Variants in NRARP observed in about 807,000 individuals in gnomAD.
NRARP encodes the protein notch-regulated ankyrin repeat-containing protein.
For missense variants in NRARP, 83 were observed against 161.1 expected, an observed-to-expected ratio of 0.52 and a Z score of 2.62; for synonymous variants, 81 against 77.4, an observed-to-expected ratio of 1.05 and a Z score of -0.25.
chr9:137,302,045 G>C lies in NRARP; in HGVS notation c.-117C>G, dbSNP rs968972213. On this transcript the variant is annotated 5_prime_UTR_variant, in exon 1 of 1. Transcript: ENST00000356628. This position sits in a 1 kb window ranked among gnomAD's most constrained non-coding sequence, Gnocchi z 4.8. Reference sequence around the variant, plus strand: ...GGCGCATGGAGGGCGCGGCGTCCCCGGGCCCCGCACGCCGCCTCTGGGCGC... The same window carrying C: ...GGCGCATGGAGGGCGCGGCGTCCCCCGGCCCCGCACGCCGCCTCTGGGCGC... The C allele has an allele frequency of 4.5e-5, 12 of 267,256 alleles. No homozygotes were observed. The highest frequency in any genetic ancestry group is 2.6e-4 in the African/African-American group (11 of 42,984). The allele number at this position is 267,256 out of a possible 1,614,324, so 16.6% of individuals were successfully genotyped here.
chr9:137,301,758 C>G lies in NRARP; in HGVS notation c.171G>C (p.Gln57His). ...FGPEGQTALH[Q>H]SVIDGNLELV... ...GCTCCAGGTTGCCGTCGATGACCGA[C>G]TGGTGCAGCGCCGTCTGGCCCTCGG... The change falls in exon 1 of 1, where the codon CAG (glutamine) becomes CAC (histidine). Residue 57 changes from glutamine to histidine, a missense_variant. Physicochemically the swap from Gln to His is conservative, Grantham distance 24 (BLOSUM62 0). Coordinates refer to ENST00000356628, the MANE Select transcript of NRARP (RefSeq NM_001004354.3). This position sits in a 1 kb window ranked among gnomAD's most constrained non-coding sequence, Gnocchi z 9.1. 1 of 1,610,914 alleles carries G rather than the reference C, an allele frequency of 6.2e-7. No homozygotes were observed. The highest frequency in any genetic ancestry group is 8.5e-7 in the Non-Finnish European group (1 of 1,179,698).
rs982808822 is a variant in NRARP at position 137,300,375 on chromosome 9, T to C, written c.*1209A>G. ...CAGTCTTATAGGTATTTTATAAAAA[T>C]ATAAATATGGGTACACTCTGTTGCC... is the stretch of plus-strand genomic sequence containing the variant. On this transcript the variant is annotated 3_prime_UTR_variant, in exon 1 of 1. Coordinates refer to ENST00000356628, the MANE Select transcript of NRARP (RefSeq NM_001004354.3). The C allele has an allele frequency of 6.6e-6, 1 of 152,170 alleles. No individual in the cohort carries two copies. The highest frequency in any genetic ancestry group is 1.5e-5 in the Non-Finnish European group (1 of 68,034). The allele number at this position is 152,170 out of a possible 1,614,324, so 9.4% of individuals were successfully genotyped here. A position where few individuals can be genotyped will look rare whatever the true frequency, so the allele number is the denominator to read the frequency against.
In NRARP at chr9:137,299,683, A is replaced by T. The variant is rs896221829; in HGVS notation, c.*1901T>A. ...AAGATCAATGAAAAATTTATTTATAAATTTTTCACGCTGGGCTACAGGTCA... is the reference window on the plus strand; with the variant it reads ...AAGATCAATGAAAAATTTATTTATATATTTTTCACGCTGGGCTACAGGTCA... On this transcript the variant is annotated 3_prime_UTR_variant, in exon 1 of 1. Transcript: ENST00000356628. Among the ~76,000 whole-genome samples the T allele has an allele frequency of 3.9e-5, 6 of 152,116 alleles. No homozygotes were observed. The highest frequency in any genetic ancestry group is 2.6e-4 in the Admixed American group (4 of 15,274).
chr9:137,300,122 AAAC>A lies in NRARP; in HGVS notation c.*1459_*1461del, dbSNP rs1210253245. ...GCCTCCCTTTTATTTCTCAGGATCA[AAAC>A]AACAAGGGGTGTGGGGCTGCATAGA... On this transcript the variant is annotated 3_prime_UTR_variant, in exon 1 of 1. Transcript: ENST00000356628. Among the ~76,000 whole-genome samples, 5 of 152,130 alleles carry A rather than the reference AAAC, an allele frequency of 3.3e-5. No individual in the cohort carries two copies. The highest frequency in any genetic ancestry group is 9.7e-5 in the African/African-American group (4 of 41,416).
chr9:137,300,999 C>T lies in NRARP; in HGVS notation c.*585G>A, dbSNP rs1830946900. On this transcript the variant is annotated 3_prime_UTR_variant, in exon 1 of 1. Transcript: ENST00000356628. ...ACAAAAAAACCAGGCGCACAAACTC[C>T]ACCCACAAATGTACACACACAAGAT... The T allele has an allele frequency of 6.6e-6, 1 of 152,274 alleles. No homozygotes were observed. The allele number at this position is 152,274 out of a possible 1,614,324, so 9.4% of individuals were successfully genotyped here.
rs1428130518 is a variant in NRARP, at chr9:137,300,360, G to A, written c.*1224C>T. On this transcript the variant is annotated 3_prime_UTR_variant, in exon 1 of 1. Coordinates refer to ENST00000356628, the MANE Select transcript of NRARP (RefSeq NM_001004354.3). ...AGCACAAGAGATTCACAGTCTTATA[G>A]GTATTTTATAAAAATATAAATATGG... 6.6e-6 allele frequency: 1 copy of A among 152,014 alleles called. No homozygotes were observed. The highest frequency in any genetic ancestry group is 1.9e-4 in the East Asian group (1 of 5,202). 9.4% of individuals were successfully genotyped at this position (152,014 alleles called of 1,614,324 possible).
In NRARP at chr9:137,301,548, C is replaced by A. The variant is rs577057147; in HGVS notation, c.*36G>T. On this transcript the variant is annotated 3_prime_UTR_variant, in exon 1 of 1. Transcript: ENST00000356628. This position sits in a 1 kb window ranked among gnomAD's most constrained non-coding sequence, Gnocchi z 9.1. ...GCGGGAAGGTACAGCAGAGACGACGCGGGCGCAGGGCCGGGGTCCGGGGTC... is the reference window on the plus strand; with the variant it reads ...GCGGGAAGGTACAGCAGAGACGACGAGGGCGCAGGGCCGGGGTCCGGGGTC... 9.0e-6 allele frequency: 13 copies of A among 1,443,306 alleles called. No homozygotes were observed. In the African/African-American group the frequency reaches 1.1e-4, roughly 13 times the overall value. 89.4% of individuals were successfully genotyped at this position (1,443,306 alleles called of 1,614,324 possible).
Position 137,301,508 on chromosome 9 carries a change from G to C in NRARP, c.*76C>G. 9.9e-7 allele frequency: 1 copy of C among 1,007,558 alleles called. No individual in the cohort carries two copies. Among genetic ancestry groups the C allele is most frequent in the Non-Finnish European group, 1.4e-6 (1 of 723,620 alleles). The allele number at this position is 1,007,558 out of a possible 1,614,324, so 62.4% of individuals were successfully genotyped here. A position where few individuals can be genotyped will look rare whatever the true frequency, so the allele number is the denominator to read the frequency against. ...CTGGCGGGGCCTGCGAGCCGGGCGC[G>C]CACCGAGGTAGTTGGCGGGAAGGTA... On this transcript the variant is annotated 3_prime_UTR_variant, in exon 1 of 1. Transcript: ENST00000356628. This position sits in a 1 kb window ranked among gnomAD's most constrained non-coding sequence, Gnocchi z 9.1.
rs1375371857 is a variant in NRARP at position 137,301,615 on chromosome 9, G to C, written c.314C>G (p.Thr105Ser). 16 of 1,598,182 alleles carry C rather than the reference G, an allele frequency of 1.0e-5. No homozygotes were observed. Among genetic ancestry groups the C allele is most frequent in the Non-Finnish European group, 1.4e-5 (16 of 1,170,140 alleles). Reference sequence around the variant, plus strand: ...GCCGCTGGCCGCGTACTTCGCCTTGGTGATGAGATAGAGCACGATGTCCTG... The same window carrying C: ...GCCGCTGGCCGCGTACTTCGCCTTGCTGATGAGATAGAGCACGATGTCCTG... The part of the protein sequence containing the change: ...GHQDIVLYLI[T>S]KAKYAASGR Residue 105 changes from threonine to serine, a missense_variant, in exon 1 of 1, where the codon ACC becomes AGC. Coordinates refer to ENST00000356628, the MANE Select transcript of NRARP (RefSeq NM_001004354.3). This position sits in a 1 kb window ranked among gnomAD's most constrained non-coding sequence, Gnocchi z 9.1.
Position 137,300,916 on chromosome 9 carries a change from C to G in NRARP, c.*668G>C, listed in dbSNP as rs1830945667. 1 of 152,302 alleles carries G rather than the reference C, an allele frequency of 6.6e-6. No homozygotes were observed. Among genetic ancestry groups the G allele is most frequent in the African/African-American group, 2.4e-5 (1 of 41,408 alleles). 9.4% of individuals were successfully genotyped at this position (152,302 alleles called of 1,614,324 possible). On this transcript the variant is annotated 3_prime_UTR_variant, in exon 1 of 1. Coordinates refer to ENST00000356628, the MANE Select transcript of NRARP (RefSeq NM_001004354.3). ...TAGACTCAAGTTTTTAGTTTTAAGA[C>G]TAGAAAAAAATGCATCACTCCCCCC...
At position 137,300,099 on chromosome 9, in the gene NRARP, C is replaced by T. The variant is rs1443375413; in HGVS notation, c.*1485G>A. Reference sequence around the variant, plus strand: ...CTCATTTAAATTTGAATAATTCAGCCTCCCTTTTATTTCTCAGGATCAAAA... The same window carrying T: ...CTCATTTAAATTTGAATAATTCAGCTTCCCTTTTATTTCTCAGGATCAAAA... On this transcript the variant is annotated 3_prime_UTR_variant, in exon 1 of 1. Transcript: ENST00000356628. Among the ~76,000 whole-genome samples, 4 of 152,166 alleles carry T rather than the reference C, an allele frequency of 2.6e-5. No homozygotes were observed. Among genetic ancestry groups the T allele is most frequent in the African/African-American group, 4.8e-5 (2 of 41,446 alleles).
In NRARP at chr9:137,301,550, G is replaced by T; in HGVS notation, c.*34C>A. The T allele has an allele frequency of 6.9e-7, 1 of 1,456,004 alleles. No individual in the cohort carries two copies. The highest frequency in any genetic ancestry group is 9.3e-7 in the Non-Finnish European group (1 of 1,069,644). The allele number at this position is 1,456,004 out of a possible 1,614,324, so 90.2% of individuals were successfully genotyped here. A position where few individuals can be genotyped will look rare whatever the true frequency, so the allele number is the denominator to read the frequency against. ...GGGAAGGTACAGCAGAGACGACGCGGGCGCAGGGCCGGGGTCCGGGGTCCC... is the reference window on the plus strand; with the variant it reads ...GGGAAGGTACAGCAGAGACGACGCGTGCGCAGGGCCGGGGTCCGGGGTCCC... On this transcript the variant is annotated 3_prime_UTR_variant, in exon 1 of 1. Coordinates refer to ENST00000356628, the MANE Select transcript of NRARP (RefSeq NM_001004354.3). This position sits in a 1 kb window ranked among gnomAD's most constrained non-coding sequence, Gnocchi z 9.1.
In NRARP at chr9:137,301,424, G is replaced by A; in HGVS notation, c.*160C>T. 2 of 412,174 alleles carry A rather than the reference G, an allele frequency of 4.9e-6. No individual in the cohort carries two copies. Among genetic ancestry groups the A allele is most frequent in the Non-Finnish European group, 8.2e-6 (2 of 243,424 alleles). 25.5% of individuals were successfully genotyped at this position (412,174 alleles called of 1,614,324 possible). ...GCCGCAGGGAGGCGCTCGGCCGGCG[G>A]GGCTGCCGGACCCTGGGGCCGGGAC... On this transcript the variant is annotated 3_prime_UTR_variant, in exon 1 of 1. Coordinates refer to ENST00000356628, the MANE Select transcript of NRARP (RefSeq NM_001004354.3). The surrounding 1 kb of genome is among the most constrained non-coding windows in gnomAD (Gnocchi z 9.1).
chr9:137,301,970 C>A lies in NRARP; in HGVS notation c.-42G>T. The A allele has an allele frequency of 6.2e-6, 6 of 967,706 alleles. No individual in the cohort carries two copies. Among genetic ancestry groups the A allele is most frequent in the Non-Finnish European group, 7.5e-6 (6 of 802,266 alleles). 59.9% of individuals were successfully genotyped at this position (967,706 alleles called of 1,614,324 possible). ...GGCCGCGGGCCGGGCCGGGGCTCAG[C>A]GCGGGCGGCGGCTGCGGCGCGGGCC... On this transcript the variant is annotated 5_prime_UTR_variant, in exon 1 of 1. Coordinates refer to ENST00000356628, the MANE Select transcript of NRARP (RefSeq NM_001004354.3). The surrounding 1 kb of genome is among the most constrained non-coding windows in gnomAD (Gnocchi z 9.1).
At position 137,301,893 on chromosome 9, in the gene NRARP, C is replaced by A; in HGVS notation, c.36G>T (p.Pro12=). The A allele has an allele frequency of 1.3e-6, 2 of 1,566,006 alleles. No homozygotes were observed. Among genetic ancestry groups the A allele is most frequent in the Non-Finnish European group, 1.7e-6 (2 of 1,158,668 alleles). Residue 12 remains proline, a synonymous_variant, in exon 1 of 1, where the codon CCG becomes CCT. Coordinates refer to ENST00000356628, the MANE Select transcript of NRARP (RefSeq NM_001004354.3). This position sits in a 1 kb window ranked among gnomAD's most constrained non-coding sequence, Gnocchi z 9.1. ...SQAELSTCSA[P]QTQRIFQEAV... ...CCTCCTGGAAGATGCGCTGCGTCTGCGGCGCGGAGCAGGTGGACAGCTCGG... is the reference window on the plus strand; with the variant it reads ...CCTCCTGGAAGATGCGCTGCGTCTGAGGCGCGGAGCAGGTGGACAGCTCGG...
rs1331985014 is a variant in NRARP, at chr9:137,301,390, C to T, written c.*194G>A. 3.6e-6 allele frequency: 1 copy of T among 279,188 alleles called. No individual in the cohort carries two copies. Among genetic ancestry groups the T allele is most frequent in the East Asian group, 6.4e-5 (1 of 15,728 alleles). 17.3% of individuals were successfully genotyped at this position (279,188 alleles called of 1,614,324 possible). On this transcript the variant is annotated 3_prime_UTR_variant, in exon 1 of 1. Coordinates refer to ENST00000356628, the MANE Select transcript of NRARP (RefSeq NM_001004354.3). The surrounding 1 kb of genome is among the most constrained non-coding windows in gnomAD (Gnocchi z 9.1). ...GGGAAGCTGCTCCGGCCCGGCCGGG[C>T]CCGGCTAGGCCGCAGGGAGGCGCTC...
rs1029148144 is a variant in NRARP, at chr9:137,302,060, C to T, written c.-132G>A. On this transcript the variant is annotated 5_prime_UTR_variant, in exon 1 of 1. Coordinates refer to ENST00000356628, the MANE Select transcript of NRARP (RefSeq NM_001004354.3). The surrounding 1 kb of genome is among the most constrained non-coding windows in gnomAD (Gnocchi z 4.8). ...CGGCGTCCCCGGGCCCCGCACGCCG[C>T]CTCTGGGCGCTCCGGGCGCTCGGGG... 4.5e-5 allele frequency: 9 copies of T among 201,420 alleles called. No individual in the cohort carries two copies. The highest frequency in any genetic ancestry group is 6.9e-5 in the Non-Finnish European group (8 of 116,596). The allele number at this position is 201,420 out of a possible 1,614,324, so 12.5% of individuals were successfully genotyped here.
rs1227457118 is a variant in NRARP, at chr9:137,299,928, A to G, written c.*1656T>C. Among the ~76,000 whole-genome samples, 1 of 152,136 alleles carries G rather than the reference A, an allele frequency of 6.6e-6. No homozygotes were observed. The highest frequency in any genetic ancestry group is 2.4e-5 in the African/African-American group (1 of 41,436). On this transcript the variant is annotated 3_prime_UTR_variant, in exon 1 of 1. Transcript: ENST00000356628. ...CTTGTTTCACTGACATTATCAATAT[A>G]TTCTTCTCACACAAAGTTTTATAAA...
At position 137,301,573 on chromosome 9, in the gene NRARP, C is replaced by G. The variant is rs766961923; in HGVS notation, c.*11G>C. The G allele has an allele frequency of 4.6e-6, 7 of 1,536,122 alleles. No homozygotes were observed. The Admixed American group carries it at 1.1e-4, about 25-fold the overall frequency. On this transcript the variant is annotated 3_prime_UTR_variant, in exon 1 of 1. Transcript: ENST00000356628. The surrounding 1 kb of genome is among the most constrained non-coding windows in gnomAD (Gnocchi z 9.1). ...CGGGCGCAGGGCCGGGGTCCGGGGTCCCGGCGGGCATCACCGGCCGCTGGC... is the reference window on the plus strand; with the variant it reads ...CGGGCGCAGGGCCGGGGTCCGGGGTGCCGGCGGGCATCACCGGCCGCTGGC...
Sources: allele counts gnomAD v4.1 joint callset (sites outside exome capture counted in the v4.1 genomes callset), GRCh38; gene constraint gnomAD v4.1.1; non-coding constraint Gnocchi (gnomAD v3.1); transcripts MANE v1.5; gene names NCBI Gene and HGNC (gene_info 2026-07-23, HGNC 2026-07-21).